The following FNDC3B variants were observed in gnomAD, a reference collection of about 807,000 sequenced individuals.
FNDC3B encodes the protein fibronectin type III domain-containing protein 3B.
A neutral mutation model predicts 151.5 loss-of-function variants in FNDC3B; 12 were observed. That is an observed-to-expected ratio of 0.08 (90% CI 0.05 to 0.13). The LOEUF is 0.13. Ranked by LOEUF, FNDC3B falls within the 10% of genes least tolerant of loss-of-function variation. The probability of loss-of-function intolerance (pLI) is 1.00; values close to 1 mark genes in which losing one functional copy is unlikely to be tolerated. For missense variants in FNDC3B, 1,214 were observed against 1,505.3 expected, an observed-to-expected ratio of 0.81 and a Z score of 3.20; for synonymous variants, 528 against 549.0, an observed-to-expected ratio of 0.96 and a Z score of 0.54.
intron 9 of FNDC3B, among the ~76,000 whole-genome samples, chr3:172,299,776 G>A (rs1480094414): frequency 2.0e-5 from 3 of 152,126 alleles, no homozygotes; most frequent in Non-Finnish European, 2.9e-5. Flanking sequence ...AGCCTAGTAG[G>A]AAGAGCGTAT....
intron 9 of FNDC3B, among the ~76,000 whole-genome samples, chr3:172,304,665 G>C (rs1396435790): frequency 6.6e-6 from 1 of 152,158 alleles, no homozygotes; most frequent in Non-Finnish European, 1.5e-5. Flanking sequence ...GGGAGGCCAA[G>C]GTGGGTGGAT....
intron 1 of FNDC3B, among the ~76,000 whole-genome samples, chr3:172,083,300 C>T (rs1718374448): frequency 6.6e-6 from 1 of 152,210 alleles, no homozygotes; most frequent in Non-Finnish European, 1.5e-5. Context: ...TCCTTGCCTC[C>T]ATGTCCCACA....
intron 3 of FNDC3B, chr3:172,134,463 G>A (rs1451906013): frequency 4.1e-6 from 2 of 493,134 alleles, no homozygotes; most frequent in Non-Finnish European, 8.1e-6. Flanking sequence ...GTTATTAATT[G>A]AACTGGAATC....
chr3:172,254,686 C>A (rs1175596057), intron 6 of FNDC3B, among the ~76,000 whole-genome samples: 1 of 152,160 alleles, frequency 6.6e-6, no homozygotes, highest in Non-Finnish European at 1.5e-5. Flanking sequence ...TGTGGCTAGC[C>A]TCCCCTTTCA....
Position 172,400,799 on chromosome 3 carries a change from C to G in FNDC3B, c.*3324C>G, listed in dbSNP as rs1037796395. 1.3e-5 allele frequency: 2 copies of G among 150,298 alleles called. No individual in the cohort carries two copies. Among genetic ancestry groups the G allele is most frequent in the African/African-American group, 4.9e-5 (2 of 40,940 alleles). The allele number at this position is 150,298 out of a possible 1,614,324, so 9.3% of individuals were successfully genotyped here. A position where few individuals can be genotyped will look rare whatever the true frequency, so the allele number is the denominator to read the frequency against. On this transcript the variant is annotated 3_prime_UTR_variant, in exon 26 of 26. Transcript: ENST00000415807. ...TTGAGACGGAGTCTTGCTCTGTCGC[C>G]AGGCTGGAGTGCAGTGGCGCGATCT...
chr3:172,330,829 T>C (rs906249825), intron 13 of FNDC3B, 114 bp downstream of exon 13: 1 of 775,772 alleles, frequency 1.3e-6, no homozygotes, highest in African/African-American at 1.8e-5. Context: ...AACTCTTAAT[T>C]TCTGCCTCTG....
intron 3 of FNDC3B, among the ~76,000 whole-genome samples, chr3:172,219,308 A>C (rs1726153406): frequency 6.6e-6 from 1 of 152,196 alleles, no homozygotes; most frequent in African/African-American, 2.4e-5. Context: ...TGCATAGCAC[A>C]GTGTCTAGAA....
intron 3 of FNDC3B, among the ~76,000 whole-genome samples, chr3:172,164,064 G>GT (rs1445094357): frequency 6.6e-6 from 1 of 152,134 alleles, no homozygotes; most frequent in Non-Finnish European, 1.5e-5. Flanking sequence ...TCAAAGAAAA[G>GT]TGGACATTGG....
At chr3:172,138,456 A>G (rs892436211) in intron 3 of FNDC3B, among the ~76,000 whole-genome samples, 12 of 152,228 alleles carry the variant, frequency 7.9e-5, no homozygotes, top group Admixed American at 1.3e-4. Context: ...CTAAATCTCA[A>G]TAGAAGAACT....
At chr3:172,284,143 A>G (rs1729885002) in intron 6 of FNDC3B, among the ~76,000 whole-genome samples, 1 of 152,170 alleles carries the variant, frequency 6.6e-6, no homozygotes. Context: ...TTGCACATGT[A>G]GGGCCTGTGC....
chr3:172,380,817 T>A (rs1735398560), intron 24 of FNDC3B, 149 bp from the exon 25 acceptor site: 2 of 800,794 alleles, frequency 2.5e-6, no homozygotes, highest in Non-Finnish European at 4.0e-6. Context: ...CCTGCTGGTT[T>A]TATGAGAGGC....
chr3:172,311,007 T>C (rs1731449353), intron 11 of FNDC3B, 126 bp downstream of exon 11: 1 of 711,264 alleles, frequency 1.4e-6, no homozygotes, highest in African/African-American at 1.8e-5. Flanking sequence ...AGTAGAGAAA[T>C]TTAAATCAAT....
At chr3:172,125,622 A>C (rs1430367705) in intron 2 of FNDC3B, among the ~76,000 whole-genome samples, 10 of 152,154 alleles carry the variant, frequency 6.6e-5, no homozygotes. Context: ...TTTGAGACTA[A>C]AGAAATTTAA....
chr3:172,165,040 G>T (rs1722944269), intron 3 of FNDC3B, among the ~76,000 whole-genome samples: 1 of 152,180 alleles, frequency 6.6e-6, no homozygotes, highest in Non-Finnish European at 1.5e-5. Flanking sequence ...GGACATAGAG[G>T]TTTTACTCTG....
At chr3:172,395,394 T>C (rs1576976507) in intron 25 of FNDC3B, among the ~76,000 whole-genome samples, 1 of 152,218 alleles carries the variant, frequency 6.6e-6, no homozygotes, top group East Asian at 1.9e-4. Context: ...AGACTCTTGT[T>C]AGTTTCAGTC....
At chr3:172,368,752 TG>T (rs1212094047) in intron 23 of FNDC3B, among the ~76,000 whole-genome samples, 1 of 152,232 alleles carries the variant, frequency 6.6e-6, no homozygotes, top group African/African-American at 2.4e-5. Context: ...GACTCATGCC[TG>T]TAATCCCAAC....
chr3:172,330,565 C>T lies in FNDC3B; in HGVS notation c.1404C>T (p.Cys468=). The T allele has an allele frequency of 6.2e-7, 1 of 1,613,786 alleles. No homozygotes were observed. Among genetic ancestry groups the T allele is most frequent in the South Asian group, 1.1e-5 (1 of 91,016 alleles). ...GTGGTTATAGCCAAGAGGTGGTGTG[C>T]TACACATTAGGAAATATCCCTCAGA... is the stretch of plus-strand genomic sequence containing the variant. ...GTSGYSQEVV[C]YTLGNIPQMP... Residue 468 remains cysteine, a synonymous_variant, in exon 13 of 26, where the codon TGC becomes TGT. Coordinates refer to ENST00000415807, the MANE Select transcript of FNDC3B (RefSeq NM_022763.4).
At chr3:172,184,496 T>C (rs1419011384) in intron 3 of FNDC3B, 1 of 151,798 alleles carries the variant, frequency 6.6e-6, no homozygotes, top group East Asian at 1.9e-4. Context: ...AAGGCAAGAG[T>C]TGAGCGGAAA....
In FNDC3B at chr3:172,376,520, C is replaced by A. The variant is rs1420561420; in HGVS notation, c.3009-1750C>A. 2.0e-5 allele frequency among the ~76,000 whole-genome samples: 3 copies of A among 152,102 alleles called. No homozygotes were observed. In the East Asian group the frequency reaches 5.8e-4, roughly 29 times the overall value. On this transcript the variant is annotated intron_variant, in intron 23 of 25. Transcript: ENST00000415807. ...CTTCAATTTGTGATATAATTAAGGG[C>A]AATTACTCCTGTTAGAGATTGTAGA...
Sources: gnomAD v4.1 joint callset for allele counts (sites outside exome capture counted in the v4.1 genomes callset) on GRCh38, gnomAD v4.1.1 for gene constraint, MANE v1.5 for transcripts, NCBI Gene and HGNC (gene_info 2026-07-23, HGNC 2026-07-21) for gene names.